The following TTC28 variants were observed in gnomAD, a reference collection of about 807,000 sequenced individuals.
The protein encoded by TTC28 is tetratricopeptide repeat protein 28.
In TTC28, 61 loss-of-function variants were observed where a neutral mutation model predicts 198.0. That is an observed-to-expected ratio of 0.31 (90% confidence interval 0.25 to 0.38). The LOEUF (loss-of-function observed/expected upper bound fraction) is 0.38. TTC28 is among the 10% of genes least tolerant of loss of function. The probability of loss-of-function intolerance (pLI) is 1.00; values close to 1 mark genes in which losing one functional copy is unlikely to be tolerated. For missense variants in TTC28, 2,678 were observed against 3,164.0 expected (o/e 0.85, Z 3.69); for synonymous variants, 1,171 against 1,297.8 (o/e 0.90, Z 2.10).
intron 5 of TTC28, among the ~76,000 whole-genome samples, chr22:28,283,423 CT>C (rs1489899587): frequency 2.0e-5 from 3 of 152,030 alleles, no homozygotes; most frequent in Non-Finnish European, 4.4e-5. Flanking sequence ...TAGAAAATGT[CT>C]GCAAAAAGGT....
At chr22:28,068,333 A>AAAGAGGGGT (rs1940839583) in intron 12 of TTC28, among the ~76,000 whole-genome samples, 5 of 152,180 alleles carry the variant, frequency 3.3e-5, no homozygotes, top group Admixed American at 3.3e-4. Flanking sequence ...CTTGTTTCAA[A>AAAGAGGGGT]AAGAGGGGTC....
intron 2 of TTC28, among the ~76,000 whole-genome samples, chr22:28,462,123 G>T (rs1601427350): frequency 6.6e-6 from 1 of 152,136 alleles, no homozygotes; most frequent in East Asian, 1.9e-4. Flanking sequence ...AATTTATTAT[G>T]TGACTGTGAT....
intron 10 of TTC28, among the ~76,000 whole-genome samples, chr22:28,097,988 C>G (rs974432999): frequency 6.6e-6 from 1 of 152,194 alleles, no homozygotes; most frequent in Non-Finnish European, 1.5e-5. Flanking sequence ...CCTATACATA[C>G]AGCAAAAGAC....
intron 2 of TTC28, among the ~76,000 whole-genome samples, chr22:28,480,058 GA>G (rs1213476668): frequency 6.6e-6 from 1 of 152,210 alleles, no homozygotes; most frequent in Non-Finnish European, 1.5e-5. Context: ...TATCACAGAA[GA>G]TGAGGCAAAG....
chr22:28,367,201 C>G (rs553122317), intron 2 of TTC28, among the ~76,000 whole-genome samples: 2 of 152,000 alleles, frequency 1.3e-5, no homozygotes, highest in East Asian at 3.9e-4. Flanking sequence ...AAAAAGAAGT[C>G]TTAAAAATTT....
intron 15 of TTC28, 153 bp downstream of exon 15, chr22:28,001,221 T>G: frequency 9.7e-7 from 1 of 1,029,490 alleles, no homozygotes; most frequent in East Asian, 2.6e-5. Flanking sequence ...AGACCTACTC[T>G]AAAGTCACGC....
intron 6 of TTC28, among the ~76,000 whole-genome samples, chr22:28,126,894 C>G (rs1942928375): frequency 6.6e-6 from 1 of 152,120 alleles, no homozygotes; most frequent in Non-Finnish European, 1.5e-5. Context: ...ATCCACATGT[C>G]CTGGAAGAAG....
intron 2 of TTC28, among the ~76,000 whole-genome samples, chr22:28,523,385 A>C (rs992788144): frequency 1.8e-4 from 27 of 152,366 alleles, no homozygotes; most frequent in African/African-American, 6.5e-4. Context: ...ATATACATCC[A>C]TATGATAAAT....
intron 2 of TTC28, among the ~76,000 whole-genome samples, chr22:28,598,263 C>A (rs1433219394): frequency 6.6e-6 from 1 of 151,616 alleles, no homozygotes; most frequent in Non-Finnish European, 1.5e-5. Flanking sequence ...GTAATCCCAG[C>A]ACTTTGGGAG....
intron 6 of TTC28, among the ~76,000 whole-genome samples, chr22:28,131,155 T>C (rs1943051913): frequency 6.6e-6 from 1 of 152,200 alleles, no homozygotes. Flanking sequence ...AATAAGGCCT[T>C]TTTTATTTGA....
At chr22:27,984,550 A>C (rs377745940) in intron 22 of TTC28, among the ~76,000 whole-genome samples, 7 of 151,916 alleles carry the variant, frequency 4.6e-5, no homozygotes, top group Non-Finnish European at 1.0e-4. Context: ...GGGTGATGCC[A>C]TGCATGTTTC....
chr22:28,254,908 C>T (rs547363918), intron 5 of TTC28, among the ~76,000 whole-genome samples: 3 of 152,294 alleles, frequency 2.0e-5, no homozygotes, highest in Admixed American at 2.0e-4. Flanking sequence ...CCCTGGAAAA[C>T]ACAAGAAACC....
intron 9 of TTC28, among the ~76,000 whole-genome samples, chr22:28,099,666 G>A (rs1215595122): frequency 2.6e-5 from 4 of 152,102 alleles, no homozygotes; most frequent in Admixed American, 1.3e-4. Context: ...AGAGACTTAC[G>A]GTCTTAAAGA....
intron 5 of TTC28, among the ~76,000 whole-genome samples, chr22:28,235,216 TTTTG>T (rs1029046060): frequency 6.8e-5 from 4 of 59,204 alleles, no homozygotes; most frequent in African/African-American, 1.9e-4. Context: ...GTCCTTATTG[TTTTG>T]TTTTTTATTC....
chr22:28,401,244 C>T (rs2046904750), intron 2 of TTC28, among the ~76,000 whole-genome samples: 1 of 151,866 alleles, frequency 6.6e-6, no homozygotes, highest in Non-Finnish European at 1.5e-5. Flanking sequence ...ACGACGACGA[C>T]GACGACAACT....
chr22:28,466,674 C>G (rs1450555641), intron 2 of TTC28, among the ~76,000 whole-genome samples: 1 of 152,136 alleles, frequency 6.6e-6, no homozygotes, highest in African/African-American at 2.4e-5. Context: ...CACATATACT[C>G]GTGGGTCAAC....
chr22:28,517,450 T>C (rs1038144745), intron 2 of TTC28, among the ~76,000 whole-genome samples: 5 of 152,124 alleles, frequency 3.3e-5, no homozygotes, highest in Non-Finnish European at 7.3e-5. Context: ...CCAGCATTAT[T>C]AGGAATCTAA....
intron 5 of TTC28, among the ~76,000 whole-genome samples, chr22:28,266,088 G>A (rs1318384981): frequency 6.6e-6 from 1 of 151,384 alleles, no homozygotes; most frequent in African/African-American, 2.4e-5. Flanking sequence ...GTTGAGGTAG[G>A]AGAATCACAT....
intron 2 of TTC28, among the ~76,000 whole-genome samples, chr22:28,474,967 G>A (rs1048186983): frequency 4.6e-5 from 7 of 151,870 alleles, no homozygotes; most frequent in Non-Finnish European, 1.0e-4. Flanking sequence ...AGGATAATAA[G>A]AGAATCATGT....
Sources: allele counts gnomAD v4.1 joint callset (sites outside exome capture counted in the v4.1 genomes callset), GRCh38; gene constraint gnomAD v4.1.1; transcripts MANE v1.5; gene names NCBI Gene and HGNC (gene_info 2026-07-23, HGNC 2026-07-21).